The following AMD1 variants were observed in gnomAD, a reference collection of about 807,000 sequenced individuals.
AMD1 encodes adenosylmethionine decarboxylase 1.
A neutral mutation model predicts 40.2 loss-of-function variants in AMD1; 11 were observed. The ratio of observed to expected loss-of-function variants is 0.27; its 90% CI spans 0.17 to 0.45. The LOEUF (loss-of-function observed/expected upper bound fraction) is 0.45, where lower values mean the gene tolerates loss of function less well. AMD1 is among the 20% of genes least tolerant of loss of function. AMD1 has a pLI of 1.00. For missense variants in AMD1, 257 were observed against 410.2 expected, an observed-to-expected ratio of 0.63 and a Z score of 3.23; for synonymous variants, 121 against 130.8, an observed-to-expected ratio of 0.93 and a Z score of 0.51.
In AMD1 at chr6:110,888,607, C is replaced by T. The variant is rs560856799; in HGVS notation, c.198-250C>T. 2.8e-3 allele frequency: 729 copies of T among 262,966 alleles called. 2 individuals carry two copies. The highest frequency in any genetic ancestry group is 4.6e-3 in the Non-Finnish European group (640 of 138,220). The allele number at this position is 262,966 out of a possible 1,614,324, so 16.3% of individuals were successfully genotyped here. ...AGGTGTGAGCCACTGTGCCTGGCCT[C>T]TCTCTTTTTTTTTTTTAAACTAAGT... On this transcript the variant is annotated intron_variant, in intron 2 of 8. Coordinates refer to ENST00000368885, the MANE Select transcript of AMD1 (RefSeq NM_001634.6).
chr6:110,872,420 TTAAG>T (rs1297412542), upstream of AMD1, among the ~76,000 whole-genome samples: 1 of 152,300 alleles, frequency 6.6e-6, no homozygotes, highest in East Asian at 1.9e-4. Flanking sequence ...TGGGAGTCCT[TTAAG>T]TGTTTTATGT....
chr6:110,842,649 A>G, the AMD1 span, among the ~76,000 whole-genome samples: 1 of 152,216 alleles, frequency 6.6e-6, no homozygotes, highest in Non-Finnish European at 1.5e-5. Flanking sequence ...ATGGCAGAGT[A>G]GAATCTCAGA....
At chr6:110,879,159 G>A (rs1222492479) in intron 1 of AMD1, among the ~76,000 whole-genome samples, 1 of 152,116 alleles carries the variant, frequency 6.6e-6, no homozygotes, top group African/African-American at 2.4e-5. Flanking sequence ...GGGCAACATA[G>A]TGAAATCCTG....
At position 110,893,898 on chromosome 6, in the gene AMD1, T is replaced by C; in HGVS notation, c.*282T>C. On this transcript the variant is annotated 3_prime_UTR_variant, in exon 9 of 9. Transcript: ENST00000368885. ...AAAAAACCTTTTACTATATGAAACT[T>C]TACAACACTTGTGAAAGCAACTCAA... The C allele has an allele frequency of 2.9e-6, 1 of 344,698 alleles. No homozygotes were observed. The highest frequency in any genetic ancestry group is 3.4e-5 in the South Asian group (1 of 29,682). The allele number at this position is 344,698 out of a possible 1,614,324, so 21.4% of individuals were successfully genotyped here.
chr6:110,816,467 T>C, the AMD1 span, among the ~76,000 whole-genome samples: 1 of 152,168 alleles, frequency 6.6e-6, no homozygotes, highest in African/African-American at 2.4e-5. Flanking sequence ...CTCTGGCATA[T>C]TGATGTCTTT....
the AMD1 span, among the ~76,000 whole-genome samples, chr6:110,831,740 C>G: frequency 7.2e-5 from 11 of 152,204 alleles, no homozygotes; most frequent in East Asian, 1.5e-3. Context: ...CTGTTTTCAG[C>G]TTGATGCTAA....
the AMD1 span, among the ~76,000 whole-genome samples, chr6:110,840,397 C>T: frequency 1.3e-5 from 2 of 152,020 alleles, no homozygotes; most frequent in Admixed American, 1.3e-4. Flanking sequence ...AACTTCTGAT[C>T]GACTGGCTTC....
At chr6:110,892,100 T>G (rs1786054525) in intron 4 of AMD1, 61 bp from the exon 5 acceptor site, 1 of 1,568,784 alleles carries the variant, frequency 6.4e-7, no homozygotes, top group East Asian at 2.2e-5. Context: ...GGAAGGGTAG[T>G]AACAAACCAT....
At chr6:110,833,710 C>T in the AMD1 span, among the ~76,000 whole-genome samples, 1 of 152,130 alleles carries the variant, frequency 6.6e-6, no homozygotes, top group African/African-American at 2.4e-5. Context: ...TTTCTTTACC[C>T]TCTTAAAAGC....
intron 1 of AMD1, among the ~76,000 whole-genome samples, chr6:110,879,981 G>A (rs1223648718): frequency 7.1e-6 from 1 of 141,632 alleles, no homozygotes; most frequent in Middle Eastern, 3.3e-3. Context: ...TTTTTTTTTT[G>A]GACAGTCTCA....
intron 1 of AMD1, among the ~76,000 whole-genome samples, chr6:110,886,020 C>T (rs1031246955): frequency 2.0e-5 from 3 of 151,978 alleles, no homozygotes; most frequent in Non-Finnish European, 2.9e-5. Flanking sequence ...TTTGGGAGGC[C>T]GAGGCAGGCG....
At chr6:110,857,784 A>G in the AMD1 span, among the ~76,000 whole-genome samples, 1 of 147,888 alleles carries the variant, frequency 6.8e-6, no homozygotes, top group Non-Finnish European at 1.5e-5. Flanking sequence ...ATATATATAT[A>G]TAGATGGTAT....
At chr6:110,844,967 A>G in the AMD1 span, among the ~76,000 whole-genome samples, 2 of 151,950 alleles carry the variant, frequency 1.3e-5, no homozygotes, top group African/African-American at 4.8e-5. Flanking sequence ...GGAAGCCAGC[A>G]AATCACATGG....
At chr6:110,847,222 G>T in the AMD1 span, among the ~76,000 whole-genome samples, 1 of 152,060 alleles carries the variant, frequency 6.6e-6, no homozygotes, top group Non-Finnish European at 1.5e-5. Context: ...GTAGCCCAAG[G>T]TTAGAATTTC....
the AMD1 span, among the ~76,000 whole-genome samples, chr6:110,846,064 A>G: frequency 3.9e-5 from 6 of 152,280 alleles, no homozygotes; most frequent in African/African-American, 1.4e-4. Flanking sequence ...ACATGGTGAA[A>G]CCCCGTCTCT....
the AMD1 span, among the ~76,000 whole-genome samples, chr6:110,826,631 C>T: frequency 1.3e-5 from 2 of 151,964 alleles, no homozygotes; most frequent in Admixed American, 6.6e-5. Flanking sequence ...ATCTCTGTCT[C>T]CACATGGCCG....
the AMD1 span, among the ~76,000 whole-genome samples, chr6:110,861,659 T>A: frequency 1.5e-3 from 230 of 151,608 alleles, 1 homozygote; most frequent in African/African-American, 5.1e-3. Context: ...CTGGCCAACA[T>A]AGTGAAACCC....
the AMD1 span, among the ~76,000 whole-genome samples, chr6:110,850,081 G>A: frequency 1.3e-5 from 2 of 149,242 alleles, no homozygotes; most frequent in Non-Finnish European, 3.0e-5. Flanking sequence ...AAAGAATAGA[G>A]ACCCAGAGAA....
At chr6:110,893,110 A>C (rs767333620) in intron 8 of AMD1, 45 bp downstream of exon 8, 1 of 1,514,420 alleles carries the variant, frequency 6.6e-7, no homozygotes, top group East Asian at 2.4e-5. Flanking sequence ...GATTTTTAAA[A>C]TCTTAAAGGA....
Sources: gnomAD v4.1 joint callset for allele counts (sites outside exome capture counted in the v4.1 genomes callset) on GRCh38, gnomAD v4.1.1 for gene constraint, MANE v1.5 for transcripts, NCBI Gene and HGNC (gene_info 2026-07-23, HGNC 2026-07-21) for gene names.